The following ODF2 variants were observed in gnomAD, a reference collection of about 807,000 sequenced individuals.
ODF2 encodes the protein outer dense fiber protein 2.
In ODF2, 47 loss-of-function variants were observed where a neutral mutation model predicts 110.2. The observed-to-expected ratio is 0.43, with a 90% CI of 0.34 to 0.54. ODF2 has a LOEUF of 0.54. Among genes scored for constraint, ODF2 ranks in the 20% least tolerant of loss-of-function variants. The pLI is 0.03. For synonymous variants in ODF2, 352 were observed against 397.7 expected, an observed-to-expected ratio of 0.89 and a Z score of 1.37; for missense variants, 812 against 1,054.5, an observed-to-expected ratio of 0.77 and a Z score of 3.19.
intron 10 of ODF2, 140 bp downstream of exon 10, chr9:128,483,027 C>G: frequency 3.0e-6 from 2 of 657,994 alleles, no homozygotes; most frequent in African/African-American, 1.8e-5. Context: ...TCCCGAGTAG[C>G]TGGGACTACA....
At chr9:128,460,450 G>C in intron 3 of ODF2, 100 bp from the exon 3 acceptor site, 1 of 1,539,878 alleles carries the variant, frequency 6.5e-7, no homozygotes, top group Non-Finnish European at 8.7e-7. Flanking sequence ...TTGGTGGCTA[G>C]GCTTTTTGGT....
chr9:128,493,006 C>T (rs892989412), intron 16 of ODF2, among the ~76,000 whole-genome samples: 3 of 151,714 alleles, frequency 2.0e-5, no homozygotes, highest in Non-Finnish European at 4.4e-5. Flanking sequence ...TCTTCTCTCT[C>T]TCATGCTGCT....
chr9:128,488,297 C>T (rs1328697409), intron 14 of ODF2, among the ~76,000 whole-genome samples: 1 of 152,090 alleles, frequency 6.6e-6, no homozygotes, highest in Non-Finnish European at 1.5e-5. Context: ...TGGAGGCATG[C>T]GCCTGTAGTC....
chr9:128,484,688 T>C lies in ODF2; in HGVS notation c.1105-13T>C, dbSNP rs1843047360. 1 of 1,553,618 alleles carries C rather than the reference T, an allele frequency of 6.4e-7. No homozygotes were observed. The highest frequency in any genetic ancestry group is 1.2e-5 in the South Asian group (1 of 84,130). On this transcript the variant is annotated splice_polypyrimidine_tract_variant and intron_variant, in intron 11 of 20. Transcript: ENST00000604420. ...CTCTTCTCCCTCTCTTTCTCACCCC[T>C]TCCCCCTTCCAGAATCTGGAGCGCA...
At chr9:128,456,696 G>T (rs1834897151) in intron 1 of ODF2, 1 of 1,387,860 alleles carries the variant, frequency 7.2e-7, no homozygotes, top group East Asian at 3.0e-5. Flanking sequence ...TCACTTGTAC[G>T]CCCTCCGTAG....
chr9:128,484,983 G>T, intron 12 of ODF2, 97 bp downstream of exon 12: 3 of 1,222,210 alleles, frequency 2.5e-6, no homozygotes, highest in Admixed American at 2.0e-5. Flanking sequence ...GGAGGGGTGG[G>T]TGGATGAGGG....
chr9:128,494,740 C>T lies in ODF2; in HGVS notation c.1911+72C>T. 1.2e-6 allele frequency: 2 copies of T among 1,613,618 alleles called. No individual in the cohort carries two copies. Among genetic ancestry groups the T allele is most frequent in the Non-Finnish European group, 8.5e-7 (1 of 1,179,894 alleles). On this transcript the variant is annotated intron_variant, in intron 17 of 20. Transcript: ENST00000604420. This position sits in a 1 kb window ranked among gnomAD's most constrained non-coding sequence, Gnocchi z 4.6. Reference sequence around the variant, plus strand: ...CCCGCATACCAAGATGAGCTGCACGCCCCCCAAGGGAGGACTACTTCCTTT... The same window carrying T: ...CCCGCATACCAAGATGAGCTGCACGTCCCCCAAGGGAGGACTACTTCCTTT...
At chr9:128,461,731 A>T (rs749030049) in intron 4 of ODF2, among the ~76,000 whole-genome samples, 25 of 152,144 alleles carry the variant, frequency 1.6e-4, no homozygotes, top group Non-Finnish European at 3.2e-4. Flanking sequence ...TTTTTCTTAT[A>T]GTTTATTACA....
intron 18 of ODF2, 159 bp downstream of exon 18, chr9:128,496,300 A>G (rs1158331582): frequency 6.7e-7 from 1 of 1,494,908 alleles, no homozygotes; most frequent in Non-Finnish European, 8.9e-7. Flanking sequence ...TTTCAGTGGT[A>G]AGCATTGTGG....
At chr9:128,456,524 C>A (rs1374733648) in intron 1 of ODF2, 1 of 1,526,898 alleles carries the variant, frequency 6.5e-7, no homozygotes, top group Non-Finnish European at 8.7e-7. Context: ...CGCCCGCGGG[C>A]AGGGCTTCAC....
chr9:128,465,180 C>T (rs2131580859), intron 4 of ODF2, among the ~76,000 whole-genome samples: 1 of 152,318 alleles, frequency 6.6e-6, no homozygotes, highest in East Asian at 1.9e-4. Flanking sequence ...GCACCTGAAA[C>T]AGTAGCTGTC....
rs183142425 is a variant in ODF2, at chr9:128,496,169, C to T, written c.2012+28C>T. 13 of 1,612,982 alleles carry T rather than the reference C, an allele frequency of 8.1e-6. No homozygotes were observed. The East Asian group carries it at 2.7e-4, about 33-fold the overall frequency. On this transcript the variant is annotated intron_variant, in intron 18 of 20. Transcript: ENST00000604420. ...TAGAGGCACTTGGTCCCATCTCTGT[C>T]CTCTTCCTAGGACCTGAGACTTTCA...
At chr9:128,479,926 G>A (rs975059675) in intron 8 of ODF2, among the ~76,000 whole-genome samples, 2 of 152,136 alleles carry the variant, frequency 1.3e-5, no homozygotes, top group African/African-American at 4.8e-5. Flanking sequence ...TGGTTGTACA[G>A]TATTATGAAT....
At chr9:128,495,997 C>A (rs375463066) in intron 17 of ODF2, 44 bp from the exon 18 acceptor site, 4 of 1,609,042 alleles carry the variant, frequency 2.5e-6, no homozygotes, top group Admixed American at 3.3e-5. Flanking sequence ...AGGGCTCTAG[C>A]GGGAAATTCC....
chr9:128,457,086 G>C (rs904338321), intron 1 of ODF2: 1 of 1,353,662 alleles, frequency 7.4e-7, no homozygotes, highest in Non-Finnish European at 9.7e-7. Context: ...AGTCCTCCGC[G>C]TGGGACCCGG....
chr9:128,456,302 C>T, intron 1 of ODF2, 47 bp downstream of exon 1: 1 of 1,494,688 alleles, frequency 6.7e-7, no homozygotes, highest in Non-Finnish European at 8.9e-7. Context: ...CGGGGCACCG[C>T]GGGCGAGACC....
chr9:128,455,250 G>C, upstream of ODF2: 1 of 1,534,470 alleles, frequency 6.5e-7, no homozygotes, highest in Non-Finnish European at 8.7e-7. Context: ...GAGCGGCATA[G>C]AGAGTGCAGG....
intron 8 of ODF2, among the ~76,000 whole-genome samples, chr9:128,475,453 CTAAGA>C (rs1284982715): frequency 6.6e-6 from 1 of 152,202 alleles, no homozygotes; most frequent in African/African-American, 2.4e-5. Context: ...GCCTCACATA[CTAAGA>C]TATTTGTGGT....
At chr9:128,490,332 G>T (rs998947719) in intron 14 of ODF2, among the ~76,000 whole-genome samples, 6 of 151,886 alleles carry the variant, frequency 4.0e-5, no homozygotes, top group African/African-American at 1.5e-4. Flanking sequence ...GCCCAGGCTG[G>T]AGTGAAGTGG....
Sources: gnomAD v4.1 joint callset for allele counts (sites outside exome capture counted in the v4.1 genomes callset) on GRCh38, gnomAD v4.1.1 for gene constraint, Gnocchi (gnomAD v3.1) non-coding constraint, MANE v1.5 for transcripts, NCBI Gene and HGNC (gene_info 2026-07-23, HGNC 2026-07-21) for gene names.